PLCG2: variants seen among roughly 807,000 people sequenced by gnomAD.
The protein encoded by PLCG2 is phospholipase C gamma 2.
In PLCG2, 69 loss-of-function variants were observed where a neutral mutation model predicts 175.6. The observed-to-expected ratio is 0.39, with a 90% confidence interval of 0.32 to 0.48. The LOEUF is 0.48. PLCG2 is among the 20% of genes least tolerant of loss of function. The probability of loss-of-function intolerance (pLI) is 0.91; values close to 1 mark genes in which losing one functional copy is unlikely to be tolerated. For missense variants in PLCG2, 1,798 were observed against 1,650.9 expected (o/e 1.09, Z -1.54); for synonymous variants, 827 against 624.0 (o/e 1.33, Z -4.85).
At chr16:81,915,113 A>T (rs892742590) in intron 19 of PLCG2, among the ~76,000 whole-genome samples, 1 of 152,188 alleles carries the variant, frequency 6.6e-6, no homozygotes, top group Non-Finnish European at 1.5e-5. Flanking sequence ...CACATAAGGA[A>T]ATCAGTGTAG....
chr16:81,880,888 T>G (rs762593153), intron 7 of PLCG2, 22 bp from the exon 8 acceptor site: 100 of 1,613,402 alleles, frequency 6.2e-5, no homozygotes, highest in East Asian at 3.1e-4. Flanking sequence ...GTTCTTTTTT[T>G]TGTGTGTGCT....
intron 2 of PLCG2, chr16:81,799,129 A>G (rs796476277): frequency 2.0e-5 from 3 of 152,356 alleles, no homozygotes; most frequent in African/African-American, 7.2e-5. Context: ...TCTCCTAATT[A>G]AAACAACTGC....
intron 2 of PLCG2, among the ~76,000 whole-genome samples, chr16:81,757,350 A>C (rs1909950724): frequency 6.6e-6 from 1 of 152,252 alleles, no homozygotes; most frequent in South Asian, 2.1e-4. Context: ...TCATAGAAAA[A>C]AAAGCTGTTT....
At chr16:81,920,870 G>C (rs1052365951) in intron 20 of PLCG2, among the ~76,000 whole-genome samples, 1 of 152,218 alleles carries the variant, frequency 6.6e-6, no homozygotes, top group South Asian at 2.1e-4. Context: ...GAGTCAGGAA[G>C]TGATGTACAC....
At chr16:81,777,149 A>AT (rs1567457109), upstream of PLCG2, among the ~76,000 whole-genome samples, 4 of 152,010 alleles carry the variant, frequency 2.6e-5, no homozygotes, top group African/African-American at 9.7e-5. Flanking sequence ...TCATGTTCTT[A>AT]TTTTTTTGCT....
rs1555508066 is a variant in PLCG2, at chr16:81,805,767, G to GTTTTGTT, written c.193+19589_193+19590insGTTTTTT. ...AGCCATGAGAGTAGTGTTTTGTTTT[G>GTTTTGTT]TTTTTTTTTTTTTTTGTTTTTTTTT... On this transcript the variant is annotated intron_variant, in intron 2 of 32. Transcript: ENST00000564138. Among the ~76,000 whole-genome samples, 33 of 39,498 alleles carry GTTTTGTT rather than the reference G, an allele frequency of 8.4e-4. 1 individual carries two copies. Among genetic ancestry groups the GTTTTGTT allele is most frequent in the African/African-American group, 2.4e-3 (20 of 8,172 alleles). 25.9% of individuals were successfully genotyped at this position (39,498 alleles called of 152,430 possible). A position where few individuals can be genotyped will look rare whatever the true frequency, so the allele number is the denominator to read the frequency against.
intron 2 of PLCG2, among the ~76,000 whole-genome samples, chr16:81,834,321 G>A (rs1905401173): frequency 6.6e-6 from 1 of 152,100 alleles, no homozygotes; most frequent in Non-Finnish European, 1.5e-5. Context: ...CGGAGGGCTC[G>A]GTGTTCTGCT....
At chr16:81,938,356 TCTC>T (rs1384156174) in intron 28 of PLCG2, 1 of 187,600 alleles carries the variant, frequency 5.3e-6, no homozygotes, top group Admixed American at 5.7e-5. Flanking sequence ...GAATTGCATT[TCTC>T]CTAAGGTTAA....
At chr16:81,906,911 G>A (rs1329871840) in intron 15 of PLCG2, among the ~76,000 whole-genome samples, 15 of 152,014 alleles carry the variant, frequency 9.9e-5, no homozygotes, top group African/African-American at 3.1e-4. Flanking sequence ...GGTGGCACGT[G>A]CCTGTAGTCC....
At chr16:81,760,814 C>G (rs1343753416) in intron 2 of PLCG2, among the ~76,000 whole-genome samples, 1 of 151,332 alleles carries the variant, frequency 6.6e-6, no homozygotes, top group Non-Finnish European at 1.5e-5. Context: ...CCTATAATCC[C>G]AGCACTTTGG....
At chr16:81,898,898 A>C (rs1909013746) in intron 13 of PLCG2, among the ~76,000 whole-genome samples, 1 of 152,222 alleles carries the variant, frequency 6.6e-6, no homozygotes, top group African/African-American at 2.4e-5. Flanking sequence ...TGAAATACAA[A>C]TATAGGCTGG....
rs553820741 is a variant in PLCG2 at position 81,960,895 on chromosome 16, T to C, written c.*2897T>C. The C allele has an allele frequency of 1.2e-3, 274 of 229,384 alleles. 2 individuals carry two copies. Among genetic ancestry groups the C allele is most frequent in the African/African-American group, 5.5e-3 (248 of 45,268 alleles). The allele number at this position is 229,384 out of a possible 1,614,324, so 14.2% of individuals were successfully genotyped here. A position where few individuals can be genotyped will look rare whatever the true frequency, so the allele number is the denominator to read the frequency against. ...TTCAGAGCCTCATCTTCCTGTTATA[T>C]TCTTCTCTAAGATTCATCTGCCTGA... On this transcript the variant is annotated 3_prime_UTR_variant, in exon 33 of 33. Coordinates refer to ENST00000564138, the MANE Select transcript of PLCG2 (RefSeq NM_002661.5).
intron 2 of PLCG2, among the ~76,000 whole-genome samples, chr16:81,797,770 C>T (rs965923800): frequency 2.0e-5 from 3 of 152,120 alleles, no homozygotes; most frequent in Non-Finnish European, 2.9e-5. Flanking sequence ...GGTCCTGGCA[C>T]TTAGTGACTG....
intron 2 of PLCG2, among the ~76,000 whole-genome samples, chr16:81,817,705 A>G (rs943757966): frequency 5.3e-5 from 8 of 152,218 alleles, no homozygotes; most frequent in African/African-American, 1.9e-4. Context: ...AGGCTGGTCT[A>G]AAACTCCCAG....
chr16:81,943,190 G>C (rs979567877), intron 30 of PLCG2, among the ~76,000 whole-genome samples: 3 of 152,190 alleles, frequency 2.0e-5, no homozygotes, highest in Non-Finnish European at 4.4e-5. Flanking sequence ...GACTGTATTA[G>C]TCCGTTCTCA....
At chr16:81,911,929 C>G (rs1284994665) in intron 18 of PLCG2, among the ~76,000 whole-genome samples, 2 of 150,548 alleles carry the variant, frequency 1.3e-5, no homozygotes, top group Middle Eastern at 3.2e-3. Flanking sequence ...TCCTGAGTAG[C>G]TGGGACTACA....
chr16:81,778,698 C>T (rs1261959409), upstream of PLCG2, among the ~76,000 whole-genome samples: 1 of 152,166 alleles, frequency 6.6e-6, no homozygotes, highest in Non-Finnish European at 1.5e-5. Flanking sequence ...AGTGGTCTGC[C>T]TAAGGTAGCA....
At chr16:81,793,635 C>G (rs150121705) in intron 2 of PLCG2, among the ~76,000 whole-genome samples, 2 of 152,172 alleles carry the variant, frequency 1.3e-5, no homozygotes, top group African/African-American at 4.8e-5. Flanking sequence ...TATGAGCTGT[C>G]TGTTTCCTTG....
intron 2 of PLCG2, among the ~76,000 whole-genome samples, chr16:81,786,688 T>G (rs1250767184): frequency 6.6e-6 from 1 of 152,212 alleles, no homozygotes; most frequent in Non-Finnish European, 1.5e-5. Context: ...CTGGTCTTGG[T>G]AGAGGTGTCC....
Sources: gnomAD v4.1 joint callset for allele counts (sites outside exome capture counted in the v4.1 genomes callset) on GRCh38, gnomAD v4.1.1 for gene constraint, MANE v1.5 for transcripts, NCBI Gene and HGNC (gene_info 2026-07-23, HGNC 2026-07-21) for gene names.